PTPRG: variants seen among roughly 807,000 people sequenced by gnomAD.
PTPRG encodes the protein receptor-type tyrosine-protein phosphatase gamma.
PTPRG carries 102 observed loss-of-function variants against 165.3 expected under a neutral mutation model. The ratio of observed to expected loss-of-function variants is 0.62; its 90% CI spans 0.53 to 0.73. PTPRG has a LOEUF of 0.73. Among genes scored for constraint, PTPRG ranks in the 30% least tolerant of loss-of-function variants. The pLI is 0.00. For synonymous variants in PTPRG, 675 were observed against 669.5 expected (o/e 1.01, Z -0.13); for missense variants, 1,866 against 1,861.4 (o/e 1.00, Z -0.05).
chr3:62,012,270 C>T (rs188153533), intron 4 of PTPRG, among the ~76,000 whole-genome samples: 7 of 152,208 alleles, frequency 4.6e-5, no homozygotes, highest in Admixed American at 1.3e-4. Flanking sequence ...AATCTGGGCT[C>T]GAATATCTCC....
chr3:61,860,471 C>T (rs540208201), intron 2 of PTPRG, among the ~76,000 whole-genome samples: 211 of 106,952 alleles, frequency 2.0e-3, no homozygotes, highest in Non-Finnish European at 3.1e-3. Flanking sequence ...GACGAAGTCT[C>T]GCTTTGTTGC....
At chr3:61,716,155 G>C (rs930225680) in intron 1 of PTPRG, among the ~76,000 whole-genome samples, 2 of 152,158 alleles carry the variant, frequency 1.3e-5, no homozygotes, top group African/African-American at 4.8e-5. Flanking sequence ...TGGTTTGTTT[G>C]CTTTTTTCCC....
Position 62,091,898 on chromosome 3 carries a change from T to TCC in PTPRG, c.615+13642_615+13643dup, listed in dbSNP as rs1442018638. ...AGGGACGAGATACCCCCATACAGCA[T>TCC]CCCACCTACCTTCTCTCTTGTGTCC... On this transcript the variant is annotated intron_variant, in intron 5 of 29. Coordinates refer to ENST00000474889, the MANE Select transcript of PTPRG (RefSeq NM_002841.4). Among the ~76,000 whole-genome samples, 8 of 152,184 alleles carry TCC rather than the reference T, an allele frequency of 5.3e-5. No homozygotes were observed. The South Asian group carries it at 1.0e-3, about 20-fold the overall frequency.
intron 4 of PTPRG, among the ~76,000 whole-genome samples, chr3:62,059,896 C>G (rs957365830): frequency 6.6e-6 from 1 of 152,114 alleles, no homozygotes; most frequent in African/African-American, 2.4e-5. Context: ...TGAAGAAGGA[C>G]GTGTTTGCTT....
intron 2 of PTPRG, among the ~76,000 whole-genome samples, chr3:61,837,722 A>G (rs1271302225): frequency 6.6e-6 from 1 of 152,240 alleles, no homozygotes; most frequent in Non-Finnish European, 1.5e-5. Flanking sequence ...TATTGAAAAT[A>G]AGTGAAGACA....
chr3:61,743,300 T>C (rs1358063009), intron 1 of PTPRG, among the ~76,000 whole-genome samples: 1 of 152,216 alleles, frequency 6.6e-6, no homozygotes, highest in Non-Finnish European at 1.5e-5. Flanking sequence ...AGATTCCTCC[T>C]GCTGAGTGAG....
At chr3:61,581,646 G>C (rs1262194371) in intron 1 of PTPRG, among the ~76,000 whole-genome samples, 2 of 143,280 alleles carry the variant, frequency 1.4e-5, no homozygotes, top group Admixed American at 7.2e-5. Flanking sequence ...GTCTCGCTCT[G>C]TCCCCCAGGC....
chr3:62,103,225 C>G (rs1052889159), intron 5 of PTPRG, among the ~76,000 whole-genome samples: 2 of 126,182 alleles, frequency 1.6e-5, no homozygotes, highest in African/African-American at 6.4e-5. Context: ...CATGCTTGGA[C>G]TCATAGCACG....
chr3:62,150,889 T>C (rs1034967200), intron 6 of PTPRG, among the ~76,000 whole-genome samples: 1 of 152,214 alleles, frequency 6.6e-6, no homozygotes, highest in Admixed American at 6.5e-5. Context: ...GGGTGTTCAG[T>C]GCACTTCCAC....
At chr3:62,243,683 T>A (rs1701216565) in intron 14 of PTPRG, 124 bp from the exon 15 acceptor site, 1 of 566,016 alleles carries the variant, frequency 1.8e-6, no homozygotes, top group African/African-American at 1.9e-5. Flanking sequence ...TACTTTTACA[T>A]GAGTTTACCC....
At chr3:61,807,642 A>G (rs2035454770) in intron 2 of PTPRG, among the ~76,000 whole-genome samples, 1 of 152,230 alleles carries the variant, frequency 6.6e-6, no homozygotes, top group African/African-American at 2.4e-5. Context: ...AAAATAACAT[A>G]TATACACATA....
chr3:61,592,653 T>C (rs10866049), intron 1 of PTPRG, among the ~76,000 whole-genome samples: 30,818 of 143,482 alleles, frequency 0.21, 3,809 homozygotes, highest in Middle Eastern at 0.31. Context: ...TTCTTTCTTT[T>C]TTTTTTTTTT....
At chr3:62,050,625 A>G (rs6445253) in intron 4 of PTPRG, among the ~76,000 whole-genome samples, 150,253 of 152,342 alleles carry the variant, frequency 0.99, 74,104 homozygotes, top group East Asian at 1. Context: ...AGTTTTGTTC[A>G]TTGTATTGTT....
intron 7 of PTPRG, 94 bp from the exon 8 acceptor site, chr3:62,167,877 C>T (rs1280441375): frequency 7.7e-7 from 1 of 1,301,678 alleles, no homozygotes; most frequent in Non-Finnish European, 1.1e-6. Flanking sequence ...CTCTTATCAC[C>T]TTCACCTGCT....
At chr3:62,115,216 A>G (rs1228138444) in intron 5 of PTPRG, among the ~76,000 whole-genome samples, 1 of 152,158 alleles carries the variant, frequency 6.6e-6, no homozygotes, top group African/African-American at 2.4e-5. Flanking sequence ...CTCAGGTTTC[A>G]TGGAAGGTGG....
chr3:62,243,914 C>A lies in PTPRG; in HGVS notation c.2467+16C>A. The A allele has an allele frequency of 7.4e-7, 1 of 1,358,820 alleles. No homozygotes were observed. Among genetic ancestry groups the A allele is most frequent in the Non-Finnish European group, 1.0e-6 (1 of 960,828 alleles). The allele number at this position is 1,358,820 out of a possible 1,614,324, so 84.2% of individuals were successfully genotyped here. On this transcript the variant is annotated intron_variant, in intron 15 of 29. Coordinates refer to ENST00000474889, the MANE Select transcript of PTPRG (RefSeq NM_002841.4). ...CCTATTCCGGGTAAGTAAGACACTG[C>A]TCTTATTTCCAATGGGCTAATTGTT...
intron 2 of PTPRG, among the ~76,000 whole-genome samples, chr3:61,831,145 A>T (rs1013042211): frequency 6.6e-6 from 1 of 152,232 alleles, no homozygotes; most frequent in South Asian, 2.1e-4. Context: ...TGATAAAAAG[A>T]TACTGATACT....
chr3:61,563,780 A>T (rs1488974315), intron 1 of PTPRG, among the ~76,000 whole-genome samples: 1 of 150,338 alleles, frequency 6.7e-6, no homozygotes, highest in East Asian at 2.0e-4. Flanking sequence ...GACCCGGAGC[A>T]GGGCGCGCGG....
chr3:61,974,699 T>A (rs1203573153), intron 2 of PTPRG, among the ~76,000 whole-genome samples: 1 of 152,222 alleles, frequency 6.6e-6, no homozygotes, highest in Non-Finnish European at 1.5e-5. Flanking sequence ...TAAAAACATA[T>A]GATTCTATTG....
Sources: allele counts gnomAD v4.1 joint callset (sites outside exome capture counted in the v4.1 genomes callset), GRCh38; gene constraint gnomAD v4.1.1; transcripts MANE v1.5; gene names NCBI Gene and HGNC (gene_info 2026-07-23, HGNC 2026-07-21).